The following TBCCD1 variants were observed in gnomAD, a reference collection of about 807,000 sequenced individuals.
TBCCD1 encodes TBCC domain containing 1.
Under a neutral mutation model 53.4 loss-of-function variants are expected in TBCCD1, and 26 were observed. That is an observed-to-expected ratio of 0.49 (90% CI 0.36 to 0.68). The LOEUF is 0.68. Ranked by LOEUF, TBCCD1 falls within the 30% of genes least tolerant of loss-of-function variation. TBCCD1 has a pLI of 0.00. For missense variants in TBCCD1, 558 were observed against 669.5 expected (o/e 0.83, Z 1.84); for synonymous variants, 245 against 241.7 (o/e 1.01, Z -0.13).
chr3:186,553,592 C>G (rs977437450), intron 6 of TBCCD1: 1 of 152,138 alleles, frequency 6.6e-6, no homozygotes, highest in Non-Finnish European at 1.5e-5. Flanking sequence ...CTCAGTTCTT[C>G]GGTTTCCTCA....
intron 4 of TBCCD1, among the ~76,000 whole-genome samples, chr3:186,556,122 G>T (rs1361251330): frequency 6.6e-6 from 1 of 151,734 alleles, no homozygotes; most frequent in African/African-American, 2.4e-5. Flanking sequence ...TATTACATAC[G>T]TTTACTTTTA....
chr3:186,554,280 T>G lies in TBCCD1; in HGVS notation c.1518A>C (p.Lys506Asn), dbSNP rs754628425. The G allele has an allele frequency of 6.2e-6, 10 of 1,613,466 alleles. No homozygotes were observed. Among genetic ancestry groups the G allele is most frequent in the Non-Finnish European group, 8.5e-6 (10 of 1,179,908 alleles). Residue 506 changes from lysine to asparagine, a missense_variant, in exon 6 of 8, where the codon AAA becomes AAC. By Grantham distance (94) the Lys-to-Asn change is moderately conservative. Coordinates refer to ENST00000338733, the MANE Select transcript of TBCCD1 (RefSeq NM_018138.5). ...TTGTCAAATGAGCCTCCTTCACAGT[T>G]TTCTGCCAGATCTGTATCTTCTGTT... ...QREQKIQIWQKTVKEAHLTKD... is the reference protein window; with the variant it reads ...QREQKIQIWQNTVKEAHLTKD...
intron 6 of TBCCD1, chr3:186,553,633 A>C (rs986475437): frequency 1.3e-5 from 2 of 152,364 alleles, no homozygotes; most frequent in Non-Finnish European, 2.9e-5. Flanking sequence ...CAAAGAATAA[A>C]TGAGTTAGCA....
At position 186,554,456 on chromosome 3, in the gene TBCCD1, C is replaced by A; in HGVS notation, c.1342G>T (p.Val448Leu). ...VPNYWDNPMVVCRENSDTRVF... is the reference protein window; with the variant it reads ...VPNYWDNPMVLCRENSDTRVF... Reference sequence around the variant, plus strand: ...CTTGTGTCGCTGTTCTCTCTGCACACAACCATTGGATTATCCCAATAGTTA... The same window carrying A: ...CTTGTGTCGCTGTTCTCTCTGCACAAAACCATTGGATTATCCCAATAGTTA... Residue 448 changes from valine (V) to leucine (L), a missense_variant, in exon 6 of 8, where the codon GTG becomes TTG. Coordinates refer to ENST00000338733, the MANE Select transcript of TBCCD1 (RefSeq NM_018138.5). 1.9e-6 allele frequency: 3 copies of A among 1,614,238 alleles called. No homozygotes were observed. Among genetic ancestry groups the A allele is most frequent in the Non-Finnish European group, 2.5e-6 (3 of 1,180,046 alleles).
chr3:186,568,147 G>C (rs977991897), upstream of TBCCD1, among the ~76,000 whole-genome samples: 2 of 152,106 alleles, frequency 1.3e-5, no homozygotes, highest in South Asian at 4.1e-4. Context: ...ACACATACCT[G>C]GGTTAGGATC....
Position 186,564,291 on chromosome 3 carries a change from T to C in TBCCD1, c.39A>G (p.Glu13=), listed in dbSNP as rs1413422744. 8.1e-6 allele frequency: 13 copies of C among 1,614,042 alleles called. No individual in the cohort carries two copies. Among genetic ancestry groups the C allele is most frequent in the Non-Finnish European group, 1.0e-5 (12 of 1,180,022 alleles). ...CCTGCAAGGCACCCACTATAAAGGGTTCTGCTTTCACCCAGAGGAGAACTC... is the reference window on the plus strand; with the variant it reads ...CCTGCAAGGCACCCACTATAAAGGGCTCTGCTTTCACCCAGAGGAGAACTC... ...QSRVLLWVKA[E]PFIVGALQVP... Residue 13 remains glutamate (E), a synonymous_variant, in exon 2 of 8, where the codon GAA becomes GAG. Transcript: ENST00000338733.
intron 7 of TBCCD1, among the ~76,000 whole-genome samples, chr3:186,548,269 G>GA: frequency 6.6e-6 from 1 of 152,208 alleles, no homozygotes; most frequent in Non-Finnish European, 1.5e-5. Context: ...CCAGACACAA[G>GA]AAGCCACATG....
chr3:186,558,405 T>C lies in TBCCD1; in HGVS notation c.492+12A>G, dbSNP rs770104148. 1.9e-6 allele frequency: 3 copies of C among 1,611,942 alleles called. No individual in the cohort carries two copies. The highest frequency in any genetic ancestry group is 2.7e-5 in the African/African-American group (2 of 74,842). ...TCCCTTTTAGAGAATGAGATCAAGA[T>C]ATAAGGAGTACCTTATTATGACAAT... On this transcript the variant is annotated intron_variant, in intron 3 of 7. Coordinates refer to ENST00000338733, the MANE Select transcript of TBCCD1 (RefSeq NM_018138.5).
chr3:186,551,061 C>A, intron 7 of TBCCD1, 68 bp downstream of exon 7: 1 of 1,539,052 alleles, frequency 6.5e-7, no homozygotes, highest in South Asian at 1.3e-5. Context: ...ATATAATATT[C>A]TGTGCCTTTT....
At chr3:186,562,415 A>C (rs896965466) in intron 2 of TBCCD1, among the ~76,000 whole-genome samples, 23 of 152,214 alleles carry the variant, frequency 1.5e-4, no homozygotes, top group Non-Finnish European at 3.1e-4. Flanking sequence ...CATTATGCTA[A>C]GTAAAACACG....
intron 1 of TBCCD1, among the ~76,000 whole-genome samples, chr3:186,564,996 A>G (rs1303743955): frequency 6.6e-6 from 1 of 152,178 alleles, no homozygotes; most frequent in African/African-American, 2.4e-5. Flanking sequence ...TGTTGTAACA[A>G]TGATACATGA....
In TBCCD1 at chr3:186,547,289, G is replaced by A. The variant is rs145955642; in HGVS notation, c.*22-334C>T. 1.3e-3 allele frequency among the ~76,000 whole-genome samples: 195 copies of A among 149,012 alleles called. 1 individual carries two copies. Among genetic ancestry groups the A allele is most frequent in the African/African-American group, 4.6e-3 (184 of 40,352 alleles). On this transcript the variant is annotated intron_variant, in intron 7 of 7. Coordinates refer to ENST00000338733, the MANE Select transcript of TBCCD1 (RefSeq NM_018138.5). ...TTTTTTTTTTAAGAGATAGGGTCTCGCTCTGTTGCCCAGGCTGGAATACAG... is the reference window on the plus strand; with the variant it reads ...TTTTTTTTTTAAGAGATAGGGTCTCACTCTGTTGCCCAGGCTGGAATACAG...
rs1374961821 is a variant in TBCCD1, at chr3:186,554,669, T to C, written c.1129A>G (p.Asn377Asp). Residue 377 changes from asparagine to aspartate, a missense_variant, in exon 6 of 8, where the codon AAT becomes GAT. Coordinates refer to ENST00000338733, the MANE Select transcript of TBCCD1 (RefSeq NM_018138.5). ...GTTLHLHSCD[N>D]VKVIAVCHRL... ...TGGCAAACAGCAATGACTTTAACAT[T>C]GTCACAACTGTGGAGGTGAAGTGTA... The C allele has an allele frequency of 6.2e-7, 1 of 1,614,072 alleles. No homozygotes were observed. Among genetic ancestry groups the C allele is most frequent in the Non-Finnish European group, 8.5e-7 (1 of 1,180,034 alleles).
chr3:186,566,676 G>A (rs567827846), intron 1 of TBCCD1, among the ~76,000 whole-genome samples: 1 of 152,334 alleles, frequency 6.6e-6, no homozygotes, highest in Non-Finnish European at 1.5e-5. Flanking sequence ...GGATCCAGAA[G>A]AGAATTTCCA....
chr3:186,558,080 T>C (rs1202033949), intron 3 of TBCCD1, among the ~76,000 whole-genome samples: 1 of 152,208 alleles, frequency 6.6e-6, no homozygotes, highest in Non-Finnish European at 1.5e-5. Flanking sequence ...CAAAAGATTT[T>C]GCAAGCACTC....
upstream of TBCCD1, chr3:186,570,353 C>T (rs1052819916): frequency 4.3e-5 from 22 of 515,816 alleles, no homozygotes; most frequent in Admixed American, 5.4e-4. Context: ...GAAAACTTCT[C>T]TCCCACAATT....
chr3:186,558,109 T>C (rs1714591795), intron 3 of TBCCD1, among the ~76,000 whole-genome samples: 2 of 152,188 alleles, frequency 1.3e-5, no homozygotes. Context: ...TGATGCTCCT[T>C]AGTCACATAA....
intron 3 of TBCCD1, among the ~76,000 whole-genome samples, chr3:186,557,876 A>C (rs1714586108): frequency 6.6e-6 from 1 of 152,188 alleles, no homozygotes; most frequent in East Asian, 1.9e-4. Context: ...ATTTTACTTA[A>C]AGTTTTTCAA....
At position 186,556,731 on chromosome 3, in the gene TBCCD1, C is replaced by CAGAT; in HGVS notation, c.533_536dup (p.Asp181ValfsTer2). ...CTAAAAGCAGCTCGAGGAGATCAGA[C>CAGAT]AGATGATCATAGACAAAAGCTTGGT... On this transcript the variant is annotated frameshift_variant, in exon 4 of 8. Transcript: ENST00000338733. LOFTEE classifies it high-confidence loss of function. 1 of 1,614,062 alleles carries CAGAT rather than the reference C, an allele frequency of 6.2e-7. No homozygotes were observed. The highest frequency in any genetic ancestry group is 8.5e-7 in the Non-Finnish European group (1 of 1,180,018).
Sources: allele counts gnomAD v4.1 joint callset (sites outside exome capture counted in the v4.1 genomes callset), GRCh38; gene constraint gnomAD v4.1.1; transcripts MANE v1.5; gene names NCBI Gene and HGNC (gene_info 2026-07-23, HGNC 2026-07-21).